The following PTPRT variants were observed in gnomAD, a reference collection of about 807,000 sequenced individuals.
PTPRT encodes protein tyrosine phosphatase receptor type T.
PTPRT carries 56 observed loss-of-function variants against 176.8 expected under a neutral mutation model. The ratio of observed to expected loss-of-function variants is 0.32; its 90% confidence interval spans 0.26 to 0.40. PTPRT has a LOEUF of 0.40. Among genes scored for constraint, PTPRT ranks in the 10% least tolerant of loss-of-function variants. The probability of loss-of-function intolerance (pLI) is 1.00; values close to 1 mark genes in which losing one functional copy is unlikely to be tolerated. For missense variants in PTPRT, 1,540 were observed against 1,908.2 expected, an observed-to-expected ratio of 0.81 and a Z score of 3.60; for synonymous variants, 783 against 739.0, an observed-to-expected ratio of 1.06 and a Z score of -0.96.
intron 1 of PTPRT, among the ~76,000 whole-genome samples, chr20:43,026,882 T>C (rs567213476): frequency 6.6e-6 from 1 of 152,338 alleles, no homozygotes; most frequent in South Asian, 2.1e-4. Context: ...GTTCCATCCA[T>C]ACTGTTGCAA....
At chr20:43,113,669 A>C (rs949617552) in intron 1 of PTPRT, among the ~76,000 whole-genome samples, 1 of 152,184 alleles carries the variant, frequency 6.6e-6, no homozygotes, top group Non-Finnish European at 1.5e-5. Context: ...ACAAGAGGCA[A>C]AACTCAAGTA....
intron 2 of PTPRT, among the ~76,000 whole-genome samples, chr20:42,804,829 C>T (rs879769756): frequency 2.6e-5 from 4 of 152,208 alleles, no homozygotes; most frequent in Admixed American, 2.6e-4. Context: ...TCCCTGTGTG[C>T]ATCTGTCTCC....
At chr20:42,451,182 G>A (rs1162205921) in intron 8 of PTPRT, among the ~76,000 whole-genome samples, 2 of 152,088 alleles carry the variant, frequency 1.3e-5, no homozygotes, top group East Asian at 3.9e-4. Flanking sequence ...GTACAGATGT[G>A]GACTCAGAGG....
intron 2 of PTPRT, among the ~76,000 whole-genome samples, chr20:42,824,275 A>G (rs1254183072): frequency 6.6e-6 from 1 of 152,168 alleles, no homozygotes. Context: ...TCTAAAGATC[A>G]TTTGAAAGGA....
intron 7 of PTPRT, among the ~76,000 whole-genome samples, chr20:42,551,729 G>T (rs1246091617): frequency 7.1e-6 from 1 of 141,072 alleles, no homozygotes; most frequent in Non-Finnish European, 1.6e-5. Context: ...CTTGTTGAAT[G>T]GGGGTCTGGC....
At chr20:42,196,968 G>A (rs963878597) in intron 16 of PTPRT, among the ~76,000 whole-genome samples, 1 of 152,134 alleles carries the variant, frequency 6.6e-6, no homozygotes, top group Admixed American at 6.5e-5. Flanking sequence ...AGGGAAGTAC[G>A]TCATATCAGC....
At chr20:42,381,228 T>C (rs1302207685) in intron 9 of PTPRT, among the ~76,000 whole-genome samples, 1 of 152,118 alleles carries the variant, frequency 6.6e-6, no homozygotes, top group Non-Finnish European at 1.5e-5. Context: ...TGGGGGCCTT[T>C]TAGATTCATT....
chr20:42,104,707 C>A lies in PTPRT; in HGVS notation c.3402G>T (p.Val1134=). The change falls in exon 25 of 31, where the codon GTG becomes GTT. Residue 1134 remains valine (V), a synonymous_variant. Coordinates refer to ENST00000373187, the MANE Select transcript of PTPRT (RefSeq NM_007050.6). ...VNLVQTEEQY[V]FVHDAILEAC... ...CTTCCAGGATGGCATCGTGCACAAA[C>A]ACATATTGCTCCTGCAAAGTCAGAA... 1 of 1,582,350 alleles carries A rather than the reference C, an allele frequency of 6.3e-7. No homozygotes were observed. Among genetic ancestry groups the A allele is most frequent in the Non-Finnish European group, 8.7e-7 (1 of 1,150,996 alleles).
intron 2 of PTPRT, among the ~76,000 whole-genome samples, chr20:42,867,975 C>A (rs2078778951): frequency 6.6e-6 from 1 of 152,262 alleles, no homozygotes; most frequent in Non-Finnish European, 1.5e-5. Context: ...AGCCACTGCA[C>A]CCAGCCTATG....
At chr20:42,635,241 A>C (rs1161465018) in intron 7 of PTPRT, among the ~76,000 whole-genome samples, 1 of 122,418 alleles carries the variant, frequency 8.2e-6, no homozygotes, top group Non-Finnish European at 1.5e-5. Flanking sequence ...CATTGAAAAC[A>C]AATGAATGTG....
At chr20:42,456,248 G>A (rs1312360812) in intron 8 of PTPRT, among the ~76,000 whole-genome samples, 2 of 151,876 alleles carry the variant, frequency 1.3e-5, no homozygotes, top group African/African-American at 2.4e-5. Flanking sequence ...TAATGTCTTG[G>A]CAAACATGCT....
chr20:42,257,551 G>A (rs768789900), intron 13 of PTPRT, among the ~76,000 whole-genome samples: 2 of 150,394 alleles, frequency 1.3e-5, no homozygotes, highest in African/African-American at 4.9e-5. Flanking sequence ...CCTCATGAAC[G>A]GTTTAGCACC....
chr20:42,164,868 T>G (rs1327193661), intron 16 of PTPRT, among the ~76,000 whole-genome samples: 1 of 152,152 alleles, frequency 6.6e-6, no homozygotes, highest in Non-Finnish European at 1.5e-5. Context: ...ACAGAGGATT[T>G]TTCATTTTTT....
At chr20:43,040,955 T>C (rs1363518083) in intron 1 of PTPRT, among the ~76,000 whole-genome samples, 5 of 152,220 alleles carry the variant, frequency 3.3e-5, no homozygotes, top group South Asian at 2.1e-4. Flanking sequence ...GTTTCCCAAA[T>C]TGTGGCACCC....
intron 7 of PTPRT, among the ~76,000 whole-genome samples, chr20:42,477,059 A>T (rs1163232252): frequency 6.6e-6 from 1 of 152,180 alleles, no homozygotes; most frequent in Non-Finnish European, 1.5e-5. Context: ...CAGCGACCTC[A>T]GTCCTCAGGT....
At chr20:42,620,441 G>T (rs1292158648) in intron 7 of PTPRT, among the ~76,000 whole-genome samples, 18 of 149,570 alleles carry the variant, frequency 1.2e-4, no homozygotes, top group Non-Finnish European at 2.7e-4. Context: ...GAGGCAGGCA[G>T]GCCTCCTAGA....
At chr20:42,043,991 C>G in the PTPRT span, among the ~76,000 whole-genome samples, 5 of 152,202 alleles carry the variant, frequency 3.3e-5, no homozygotes, top group Non-Finnish European at 7.3e-5. Context: ...GATTTGTAAT[C>G]TCACTCCTCC....
chr20:42,046,509 G>C, the PTPRT span, among the ~76,000 whole-genome samples: 1 of 152,260 alleles, frequency 6.6e-6, no homozygotes, highest in African/African-American at 2.4e-5. Flanking sequence ...TTAACCCCAG[G>C]GCAGGAAGGA....
intron 6 of PTPRT, among the ~76,000 whole-genome samples, chr20:42,755,707 C>A (rs1294946523): frequency 6.6e-6 from 1 of 151,968 alleles, no homozygotes; most frequent in Non-Finnish European, 1.5e-5. Flanking sequence ...ATAAAATGTT[C>A]TCTCCAGAAG....
Sources: allele counts gnomAD v4.1 joint callset (sites outside exome capture counted in the v4.1 genomes callset), GRCh38; gene constraint gnomAD v4.1.1; transcripts MANE v1.5; gene names NCBI Gene and HGNC (gene_info 2026-07-23, HGNC 2026-07-21).